The following NAV3 variants were observed in gnomAD, a reference collection of about 807,000 sequenced individuals.
NAV3 encodes the protein pore membrane and/or filament interacting like protein 1.
In NAV3, 87 loss-of-function variants were observed where a neutral mutation model predicts 244.7. That is an observed-to-expected ratio of 0.36 (90% CI 0.30 to 0.42). The LOEUF (loss-of-function observed/expected upper bound fraction) is 0.42, where lower values mean the gene tolerates loss of function less well. Among genes scored for constraint, NAV3 ranks in the 20% least tolerant of loss-of-function variants. NAV3 has a pLI of 1.00. For missense variants in NAV3, 2,663 were observed against 2,893.3 expected, an observed-to-expected ratio of 0.92 and a Z score of 1.83; for synonymous variants, 1,126 against 1,042.2, an observed-to-expected ratio of 1.08 and a Z score of -1.55.
At chr12:77,883,294 A>C (rs1360488457) in intron 1 of NAV3, among the ~76,000 whole-genome samples, 1 of 152,170 alleles carries the variant, frequency 6.6e-6, no homozygotes, top group Non-Finnish European at 1.5e-5. Flanking sequence ...CTTTGCAGCA[A>C]CATGTATGCA....
At chr12:78,043,692 A>G (rs2137116949) in intron 9 of NAV3, among the ~76,000 whole-genome samples, 1 of 152,222 alleles carries the variant, frequency 6.6e-6, no homozygotes, top group East Asian at 1.9e-4. Flanking sequence ...GTGGATGATG[A>G]GCTTTCTTTC....
At chr12:77,622,589 A>G (rs1444311187) in intron 2 of NAV3, among the ~76,000 whole-genome samples, 3 of 140,396 alleles carry the variant, frequency 2.1e-5, no homozygotes, top group Non-Finnish European at 4.5e-5. Flanking sequence ...ATGATTATGT[A>G]AGTATCCAAA....
intron 9 of NAV3, among the ~76,000 whole-genome samples, chr12:78,035,266 C>G (rs1879659167): frequency 6.6e-6 from 1 of 152,098 alleles, no homozygotes; most frequent in Non-Finnish European, 1.5e-5. Context: ...AAGATAATAT[C>G]TCTGCATATT....
intron 1 of NAV3, among the ~76,000 whole-genome samples, chr12:77,901,137 G>C (rs1885241711): frequency 6.6e-6 from 1 of 152,154 alleles, no homozygotes; most frequent in Non-Finnish European, 1.5e-5. Context: ...TTTGTTGGAT[G>C]CACAGTTTGA....
At chr12:77,884,487 G>A (rs1413985711) in intron 1 of NAV3, among the ~76,000 whole-genome samples, 1 of 152,050 alleles carries the variant, frequency 6.6e-6, no homozygotes, top group Non-Finnish European at 1.5e-5. Flanking sequence ...TGAGAATCTG[G>A]GGTGCCCTGT....
chr12:77,910,158 TA>T (rs1199256512), intron 1 of NAV3, among the ~76,000 whole-genome samples: 5 of 152,068 alleles, frequency 3.3e-5, no homozygotes, highest in Non-Finnish European at 7.4e-5. Context: ...GGGTAATTTA[TA>T]AAGAAAAGAG....
chr12:77,976,895 T>A (rs1868542502), intron 5 of NAV3, among the ~76,000 whole-genome samples: 1 of 152,036 alleles, frequency 6.6e-6, no homozygotes, highest in African/African-American at 2.4e-5. Flanking sequence ...GCAAGGATGG[T>A]CTCGATCTTG....
intron 23 of NAV3, among the ~76,000 whole-genome samples, chr12:78,161,129 C>A (rs1957528773): frequency 6.6e-6 from 1 of 152,062 alleles, no homozygotes; most frequent in Admixed American, 6.6e-5. Flanking sequence ...CTGTTAAAAG[C>A]TGGGTAATCT....
chr12:78,064,121 G>A (rs907727229), intron 12 of NAV3, among the ~76,000 whole-genome samples: 5 of 152,040 alleles, frequency 3.3e-5, no homozygotes, highest in African/African-American at 1.2e-4. Context: ...AATGGCAGTG[G>A]GGAAGGGGGC....
Position 78,200,625 on chromosome 12 carries a change from T to TAA in NAV3, c.6834+44_6834+45dup, listed in dbSNP as rs148251715. On this transcript the variant is annotated intron_variant, in intron 38 of 39. Transcript: ENST00000397909. ...CTCAATTTTCATTGCTATTTTTTTT[T>TAA]AAAAAAAAAAAGCAAAAAAAATTAC... 5.4e-3 allele frequency: 5,585 copies of TAA among 1,036,132 alleles called. 13 individuals are homozygous for TAA. The highest frequency in any genetic ancestry group is 6.7e-3 in the South Asian group (319 of 47,866). The allele number at this position is 1,036,132 out of a possible 1,614,324, so 64.2% of individuals were successfully genotyped here. A position where few individuals can be genotyped will look rare whatever the true frequency, so the allele number is the denominator to read the frequency against.
chr12:78,076,006 T>A (rs2137726692), intron 12 of NAV3, among the ~76,000 whole-genome samples: 1 of 152,222 alleles, frequency 6.6e-6, no homozygotes, highest in East Asian at 1.9e-4. Flanking sequence ...ATAGCCTAAG[T>A]CTTTACTTAC....
intron 24 of NAV3, among the ~76,000 whole-genome samples, chr12:78,170,415 C>T (rs1352449907): frequency 6.6e-6 from 1 of 151,626 alleles, no homozygotes; most frequent in Non-Finnish European, 1.5e-5. Context: ...CATCCATCAC[C>T]TCTCTCCTGA....
intron 12 of NAV3, chr12:78,088,931 A>C (rs143758643): frequency 3.3e-5 from 5 of 152,260 alleles, no homozygotes; most frequent in African/African-American, 1.2e-4. Context: ...CAGCATTTGG[A>C]TTAGTAATTT....
At chr12:77,753,981 A>G (rs1263318022) in intron 2 of NAV3, among the ~76,000 whole-genome samples, 1 of 152,170 alleles carries the variant, frequency 6.6e-6, no homozygotes, top group Non-Finnish European at 1.5e-5. Flanking sequence ...ATTGACTGTT[A>G]TCTTGAGTCT....
chr12:77,637,886 A>G (rs373635636), intron 2 of NAV3, among the ~76,000 whole-genome samples: 2 of 152,350 alleles, frequency 1.3e-5, no homozygotes, highest in East Asian at 3.9e-4. Context: ...TATGGCAGTC[A>G]TGGCTTTTAA....
intron 12 of NAV3, among the ~76,000 whole-genome samples, chr12:78,073,597 A>G (rs1209880275): frequency 6.6e-6 from 1 of 152,162 alleles, no homozygotes; most frequent in Non-Finnish European, 1.5e-5. Context: ...CAATATCGTG[A>G]AAATGGCCAT....
At chr12:77,929,542 G>A (rs1187788872) in intron 1 of NAV3, among the ~76,000 whole-genome samples, 3 of 151,996 alleles carry the variant, frequency 2.0e-5, no homozygotes, top group South Asian at 2.1e-4. Flanking sequence ...CCGTAAATAC[G>A]GCTTTTCTAT....
At chr12:77,816,807 G>A (rs1479376394) in intron 2 of NAV3, among the ~76,000 whole-genome samples, 1 of 152,108 alleles carries the variant, frequency 6.6e-6, no homozygotes, top group Non-Finnish European at 1.5e-5. Flanking sequence ...GAAATAAATA[G>A]TGTTGGTTTA....
intron 9 of NAV3, among the ~76,000 whole-genome samples, chr12:78,025,383 A>T (rs747734539): frequency 5.3e-5 from 8 of 151,880 alleles, no homozygotes; most frequent in Non-Finnish European, 1.0e-4. Flanking sequence ...AGGTAATGAG[A>T]TCAGGAGTTC....
Sources: allele counts gnomAD v4.1 joint callset (sites outside exome capture counted in the v4.1 genomes callset), GRCh38; gene constraint gnomAD v4.1.1; transcripts MANE v1.5; gene names NCBI Gene and HGNC (gene_info 2026-07-23, HGNC 2026-07-21).